Variants in CDC42BPA observed in about 807,000 individuals in gnomAD.
CDC42BPA encodes CDC42 binding protein kinase alpha.
Under a neutral mutation model 223.5 loss-of-function variants are expected in CDC42BPA, and 80 were observed. The observed-to-expected ratio is 0.36, with a 90% CI of 0.30 to 0.43. CDC42BPA has a LOEUF of 0.43. Among genes scored for constraint, CDC42BPA ranks in the 20% least tolerant of loss-of-function variants. The pLI is 1.00. For synonymous variants in CDC42BPA, 694 were observed against 718.6 expected (o/e 0.97, Z 0.55); for missense variants, 1,743 against 2,099.9 (o/e 0.83, Z 3.32).
chr1:227,238,530 T>A (rs1455998942), intron 2 of CDC42BPA, among the ~76,000 whole-genome samples: 1 of 152,118 alleles, frequency 6.6e-6, no homozygotes, highest in Non-Finnish European at 1.5e-5. Flanking sequence ...AGAAGAGTAG[T>A]TGCCACAGAG....
chr1:227,241,165 A>C (rs1472839193), intron 2 of CDC42BPA, among the ~76,000 whole-genome samples: 1 of 152,116 alleles, frequency 6.6e-6, no homozygotes, highest in Non-Finnish European at 1.5e-5. Context: ...AAGACCACAG[A>C]ATACCACTAC....
chr1:227,299,518 A>G (rs1019750741), intron 1 of CDC42BPA, among the ~76,000 whole-genome samples: 2 of 152,114 alleles, frequency 1.3e-5, no homozygotes, highest in South Asian at 4.1e-4. Flanking sequence ...TTTCATCCTA[A>G]CCCTATTTTA....
chr1:227,064,149 G>A (rs977654759), intron 21 of CDC42BPA, among the ~76,000 whole-genome samples: 1 of 152,028 alleles, frequency 6.6e-6, no homozygotes, highest in Non-Finnish European at 1.5e-5. Context: ...TTATATTCCC[G>A]AGCTTAATCC....
At position 227,136,586 on chromosome 1, in the gene CDC42BPA, C is replaced by T. The variant is rs555134942; in HGVS notation, c.1390+2990G>A. Among the ~76,000 whole-genome samples the T allele has an allele frequency of 7.9e-5, 12 of 152,278 alleles. No individual in the cohort carries two copies. The South Asian group carries it at 8.3e-4, about 11-fold the overall frequency. On this transcript the variant is annotated intron_variant, in intron 10 of 36. Coordinates refer to ENST00000366766, the MANE Select transcript of CDC42BPA (RefSeq NM_001394014.1). ...GTTCACATAAAGAAAGCGACACGTACGTGAATCACAGTCCAACTATTTGAA... is the reference window on the plus strand; with the variant it reads ...GTTCACATAAAGAAAGCGACACGTATGTGAATCACAGTCCAACTATTTGAA...
chr1:227,145,739 T>C lies in CDC42BPA; in HGVS notation c.895-2A>G. On this transcript the variant is annotated splice_acceptor_variant, in intron 7 of 36. Coordinates refer to ENST00000366766, the MANE Select transcript of CDC42BPA (RefSeq NM_001394014.1). LOFTEE classifies it high-confidence loss of function. ...TTGGGCTGGAAACTGAAACCTCTCC[T>C]AAACAGAGAAAAACAGAAACAAAAT... 1.2e-6 allele frequency: 2 copies of C among 1,603,012 alleles called. No individual in the cohort carries two copies. The highest frequency in any genetic ancestry group is 1.7e-6 in the Non-Finnish European group (2 of 1,174,126).
chr1:227,100,382 C>T (rs1005442790), intron 15 of CDC42BPA, among the ~76,000 whole-genome samples: 1 of 152,084 alleles, frequency 6.6e-6, no homozygotes, highest in Non-Finnish European at 1.5e-5. Context: ...TGTGCAAATG[C>T]CTTGTATTCT....
intron 35 of CDC42BPA, among the ~76,000 whole-genome samples, chr1:227,001,355 G>T (rs1340567454): frequency 6.6e-6 from 1 of 152,128 alleles, no homozygotes; most frequent in Non-Finnish European, 1.5e-5. Flanking sequence ...GGTAACCAGG[G>T]ACATAAAAAA....
At chr1:227,007,391 CT>C (rs1164747400) in intron 34 of CDC42BPA, among the ~76,000 whole-genome samples, 2 of 152,020 alleles carry the variant, frequency 1.3e-5, no homozygotes, top group Non-Finnish European at 2.9e-5. Flanking sequence ...AAATTGTTTG[CT>C]TTTTTTCTGA....
chr1:227,011,986 G>C (rs541866533), intron 34 of CDC42BPA, among the ~76,000 whole-genome samples: 6 of 152,118 alleles, frequency 3.9e-5, no homozygotes, highest in Non-Finnish European at 7.4e-5. Flanking sequence ...AACCTGCTTT[G>C]TAAAAAGATT....
rs568332412 is a variant in CDC42BPA, at chr1:227,315,004, G to A, written c.178+2001C>T. Among the ~76,000 whole-genome samples, 3 of 152,088 alleles carry A rather than the reference G, an allele frequency of 2.0e-5. No homozygotes were observed. The East Asian group carries it at 5.8e-4, about 29-fold the overall frequency. ...ATAAAATAGGACATTTCCCCAAAATGCAGTTATCAATTCATATGAAGAACA... is the reference window on the plus strand; with the variant it reads ...ATAAAATAGGACATTTCCCCAAAATACAGTTATCAATTCATATGAAGAACA... On this transcript the variant is annotated intron_variant, in intron 1 of 36. Transcript: ENST00000366766.
chr1:226,998,327 G>C (rs1446959470), intron 35 of CDC42BPA, among the ~76,000 whole-genome samples: 2 of 152,132 alleles, frequency 1.3e-5, no homozygotes, highest in African/African-American at 4.8e-5. Context: ...AAAATAGCCT[G>C]TATAGCCAAG....
intron 1 of CDC42BPA, among the ~76,000 whole-genome samples, chr1:227,276,142 C>T (rs568344461): frequency 2.2e-3 from 336 of 151,940 alleles, no homozygotes; most frequent in Non-Finnish European, 3.9e-3. Flanking sequence ...GCCGCCATCA[C>T]GTCTAGGAAG....
intron 17 of CDC42BPA, among the ~76,000 whole-genome samples, chr1:227,076,813 C>T (rs2149102217): frequency 1.3e-5 from 2 of 152,250 alleles, no homozygotes; most frequent in South Asian, 4.2e-4. Context: ...AGTTCCCTGT[C>T]CTCCTCACTG....
At chr1:227,002,656 T>TG (rs1663108743) in intron 35 of CDC42BPA, among the ~76,000 whole-genome samples, 1 of 152,346 alleles carries the variant, frequency 6.6e-6, no homozygotes, top group Admixed American at 6.5e-5. Flanking sequence ...TCTGATCACT[T>TG]GCCCTGGAGG....
chr1:227,243,160 T>G (rs1318431024), intron 2 of CDC42BPA, among the ~76,000 whole-genome samples: 1 of 152,036 alleles, frequency 6.6e-6, no homozygotes. Flanking sequence ...CAACACACAC[T>G]GGGACCTGTC....
Position 227,209,762 on chromosome 1 carries a change from T to C in CDC42BPA, c.354+3374A>G, listed in dbSNP as rs563389972. Among the ~76,000 whole-genome samples the C allele has an allele frequency of 4.0e-3, 596 of 149,978 alleles. 6 individuals carry two copies. The highest frequency in any genetic ancestry group is 0.014 in the African/African-American group (579 of 40,790). On this transcript the variant is annotated intron_variant, in intron 3 of 36. Coordinates refer to ENST00000366766, the MANE Select transcript of CDC42BPA (RefSeq NM_001394014.1). The stretch of plus-strand genomic sequence containing the variant: ...TGTGCTGCTGGATTTGTTTTGCCAG[T>C]ATTTTATTGAGGATTTTTGCATCAA...
At chr1:227,105,038 G>A (rs1685669862) in intron 14 of CDC42BPA, among the ~76,000 whole-genome samples, 1 of 151,784 alleles carries the variant, frequency 6.6e-6, no homozygotes, top group African/African-American at 2.4e-5. Context: ...TTTTTTTATT[G>A]AAATGTGATT....
intron 2 of CDC42BPA, among the ~76,000 whole-genome samples, chr1:227,229,581 G>T (rs575463390): frequency 1.3e-5 from 2 of 152,280 alleles, no homozygotes; most frequent in East Asian, 3.9e-4. Context: ...CACTGTATCT[G>T]TAGATCAATT....
chr1:227,230,298 G>C (rs1454752233), intron 2 of CDC42BPA, among the ~76,000 whole-genome samples: 1 of 152,172 alleles, frequency 6.6e-6, no homozygotes, highest in African/African-American at 2.4e-5. Flanking sequence ...AACAGCTGGT[G>C]TAATATAAGC....
Sources: gnomAD v4.1 joint callset for allele counts (sites outside exome capture counted in the v4.1 genomes callset) on GRCh38, gnomAD v4.1.1 for gene constraint, MANE v1.5 for transcripts, NCBI Gene and HGNC (gene_info 2026-07-23, HGNC 2026-07-21) for gene names.